The following TBC1D23 variants were observed in gnomAD, a reference collection of about 807,000 sequenced individuals.
TBC1D23 encodes HCV non-structural protein 4A-transactivated protein 1.
Under a neutral mutation model 91.4 loss-of-function variants are expected in TBC1D23, and 55 were observed. That is an observed-to-expected ratio of 0.60 (90% CI 0.48 to 0.75). The LOEUF (loss-of-function observed/expected upper bound fraction) is 0.75. TBC1D23 is among the 30% of genes least tolerant of loss of function. The pLI, the probability that TBC1D23 is intolerant of heterozygous loss-of-function variation, is 0.00. For synonymous variants in TBC1D23, 289 were observed against 281.0 expected (o/e 1.03, Z -0.28); for missense variants, 725 against 836.1 (o/e 0.87, Z 1.64).
chr3:100,318,808 A>G (rs928666919), intron 16 of TBC1D23, among the ~76,000 whole-genome samples: 3 of 151,722 alleles, frequency 2.0e-5, no homozygotes, highest in Admixed American at 2.0e-4. Flanking sequence ...GCACCACCAC[A>G]CCCAGCTAAT....
Position 100,264,335 on chromosome 3 carries a change from T to C in TBC1D23, c.53+3264T>C, listed in dbSNP as rs150380510. ...TCTCTTTCTTTATCTCTCTTTCTTT[T>C]TGGAGTAAATGTTTTTATTTTAACT... On this transcript the variant is annotated intron_variant, in intron 1 of 18. Transcript: ENST00000394144. Among the ~76,000 whole-genome samples the C allele has an allele frequency of 4.6e-3, 704 of 152,094 alleles. 2 individuals carry two copies. The highest frequency in any genetic ancestry group is 6.3e-3 in the Non-Finnish European group (428 of 67,980).
chr3:100,317,940 TTATA>T (rs1386122251), intron 16 of TBC1D23, among the ~76,000 whole-genome samples: 9 of 152,058 alleles, frequency 5.9e-5, no homozygotes, highest in African/African-American at 1.9e-4. Context: ...TTATATACAT[TTATA>T]TACATTTAAG....
chr3:100,307,677 A>C (rs1182915491), intron 13 of TBC1D23, among the ~76,000 whole-genome samples: 2 of 152,212 alleles, frequency 1.3e-5, no homozygotes, highest in Non-Finnish European at 2.9e-5. Flanking sequence ...TCTTATTTTT[A>C]ACTTGATGCC....
At chr3:100,302,938 A>C (rs1419037457) in intron 11 of TBC1D23, among the ~76,000 whole-genome samples, 3 of 152,218 alleles carry the variant, frequency 2.0e-5, no homozygotes, top group African/African-American at 7.2e-5. Context: ...TACTTTTTAC[A>C]GTAACTATAT....
chr3:100,287,863 C>T (rs1479518334), intron 4 of TBC1D23, among the ~76,000 whole-genome samples: 2 of 151,870 alleles, frequency 1.3e-5, no homozygotes, highest in African/African-American at 4.8e-5. Flanking sequence ...AAGTGATCCT[C>T]CCTCCTCAGC....
At chr3:100,319,257 T>A in intron 17 of TBC1D23, 53 bp downstream of exon 17, 1 of 1,481,482 alleles carries the variant, frequency 6.7e-7, no homozygotes, top group Non-Finnish European at 9.3e-7. Flanking sequence ...GGGAAGTTAA[T>A]AATACAAAAC....
At chr3:100,283,836 G>C in intron 4 of TBC1D23, 25 bp downstream of exon 4, 1 of 1,487,384 alleles carries the variant, frequency 6.7e-7, no homozygotes, top group Non-Finnish European at 9.4e-7. Flanking sequence ...AGTTATTGTA[G>C]TTTTTAAAAG....
At chr3:100,283,855 G>A (rs2067718054) in intron 4 of TBC1D23, 44 bp downstream of exon 4, 4 of 1,291,986 alleles carry the variant, frequency 3.1e-6, no homozygotes, top group Admixed American at 1.8e-5. Context: ...AGTGAATACA[G>A]GCCTGGTTTG....
chr3:100,283,248 C>T (rs1444214413), intron 3 of TBC1D23, among the ~76,000 whole-genome samples: 1 of 152,042 alleles, frequency 6.6e-6, no homozygotes, highest in Non-Finnish European at 1.5e-5. Flanking sequence ...GTGGTGCTTG[C>T]CTGTAATCCT....
intron 15 of TBC1D23, among the ~76,000 whole-genome samples, chr3:100,313,399 AC>A (rs777621148): frequency 2.0e-5 from 3 of 152,182 alleles, no homozygotes; most frequent in Non-Finnish European, 4.4e-5. Context: ...CTCAAACCAT[AC>A]TATAGATGTT....
chr3:100,267,503 T>C (rs903548198), intron 1 of TBC1D23, among the ~76,000 whole-genome samples: 2 of 152,234 alleles, frequency 1.3e-5, no homozygotes, highest in Non-Finnish European at 1.5e-5. Flanking sequence ...GTGGAAATCT[T>C]GTAGTGTTTG....
chr3:100,282,117 C>T (rs931499485), intron 3 of TBC1D23, among the ~76,000 whole-genome samples: 3 of 152,146 alleles, frequency 2.0e-5, no homozygotes, highest in African/African-American at 7.2e-5. Context: ...TCAAGACCAG[C>T]CTGGCCAACA....
chr3:100,311,464 C>G (rs1705623161), intron 14 of TBC1D23, among the ~76,000 whole-genome samples: 1 of 152,180 alleles, frequency 6.6e-6, no homozygotes, highest in South Asian at 2.1e-4. Flanking sequence ...GGTGTTTTAT[C>G]AAGCCTGAAA....
At position 100,321,813 on chromosome 3, in the gene TBC1D23, AAAT is replaced by A. The variant is rs1370102978; in HGVS notation, c.2018+847_2018+849del. Among the ~76,000 whole-genome samples the A allele has an allele frequency of 2.8e-5, 4 of 144,468 alleles. No individual in the cohort carries two copies. In the East Asian group the frequency reaches 6.2e-4, roughly 22 times the overall value. 94.8% of individuals were successfully genotyped at this position (144,468 alleles called of 152,430 possible). The stretch of plus-strand genomic sequence containing the variant: ...CTGTTTTATGTAATTTGTTAAAAGA[AAAT>A]AATACCTGATTTGTAAAAAAAAAAA... On this transcript the variant is annotated intron_variant, in intron 18 of 18. Coordinates refer to ENST00000394144, the MANE Select transcript of TBC1D23 (RefSeq NM_001199198.3).
intron 10 of TBC1D23, 95 bp from the exon 11 acceptor site, chr3:100,301,972 T>C (rs1705441810): frequency 1.2e-6 from 1 of 851,580 alleles, no homozygotes. Context: ...TGTGGCTCTT[T>C]AAATATTGGG....
intron 10 of TBC1D23, 103 bp from the exon 11 acceptor site, chr3:100,301,964 T>C: frequency 2.6e-6 from 2 of 760,258 alleles, no homozygotes; most frequent in Non-Finnish European, 4.3e-6. Flanking sequence ...ATTTTCATTG[T>C]GGCTCTTTAA....
intron 4 of TBC1D23, among the ~76,000 whole-genome samples, chr3:100,287,180 T>C (rs541997927): frequency 6.6e-6 from 1 of 152,254 alleles, no homozygotes; most frequent in East Asian, 1.9e-4. Flanking sequence ...TTGCTTGATC[T>C]CGGCTCACTG....
rs1216118291 is a variant in TBC1D23, at chr3:100,290,820, T to C, written c.600+119T>C. The C allele has an allele frequency of 5.9e-6, 5 of 841,322 alleles. No homozygotes were observed. The East Asian group carries it at 1.1e-4, about 19-fold the overall frequency. The allele number at this position is 841,322 out of a possible 1,614,324, so 52.1% of individuals were successfully genotyped here. A position where few individuals can be genotyped will look rare whatever the true frequency, so the allele number is the denominator to read the frequency against. On this transcript the variant is annotated intron_variant, in intron 5 of 18. Transcript: ENST00000394144. Reference sequence around the variant, plus strand: ...GTCCTAATTATAGATCATTACTGTTTAAACCAAAGGGGTAAAATTATTGGC... The same window carrying C: ...GTCCTAATTATAGATCATTACTGTTCAAACCAAAGGGGTAAAATTATTGGC...
intron 17 of TBC1D23, among the ~76,000 whole-genome samples, chr3:100,320,137 TTTCTC>T (rs1217422971): frequency 6.6e-6 from 1 of 152,086 alleles, no homozygotes; most frequent in Non-Finnish European, 1.5e-5. Context: ...TCGCTTCCCT[TTTCTC>T]TTCATGATGA....
Sources: allele counts gnomAD v4.1 joint callset (sites outside exome capture counted in the v4.1 genomes callset), GRCh38; gene constraint gnomAD v4.1.1; transcripts MANE v1.5; gene names NCBI Gene and HGNC (gene_info 2026-07-23, HGNC 2026-07-21).